PPP2R2B: variants seen among roughly 807,000 people sequenced by gnomAD.
PPP2R2B encodes the protein protein phosphatase 2 regulatory subunit Bbeta.
PPP2R2B carries 5 observed loss-of-function variants against 46.0 expected under a neutral mutation model. The observed-to-expected ratio is 0.11, with a 90% CI of 0.06 to 0.23. PPP2R2B has a LOEUF of 0.23. Among genes scored for constraint, PPP2R2B ranks in the 10% least tolerant of loss-of-function variants. The probability of loss-of-function intolerance (pLI) is 1.00; values close to 1 mark genes in which losing one functional copy is unlikely to be tolerated. For missense variants in PPP2R2B, 367 were observed against 575.0 expected, an observed-to-expected ratio of 0.64 and a Z score of 3.70; for synonymous variants, 215 against 206.7, an observed-to-expected ratio of 1.04 and a Z score of -0.34.
chr5:146,964,300 G>A (rs1367492922), intron 1 of PPP2R2B, among the ~76,000 whole-genome samples: 3 of 152,156 alleles, frequency 2.0e-5, no homozygotes, highest in Admixed American at 6.5e-5. Flanking sequence ...AAAACAGTTT[G>A]AGGTTAAACA....
chr5:146,884,196 G>T (rs960149794), intron 1 of PPP2R2B, among the ~76,000 whole-genome samples: 11 of 146,380 alleles, frequency 7.5e-5, no homozygotes, highest in Admixed American at 3.5e-4. Context: ...CTCTGTTATC[G>T]GTGCAAAGTC....
At chr5:147,011,772 G>T (rs1412824548) in intron 1 of PPP2R2B, among the ~76,000 whole-genome samples, 3 of 147,314 alleles carry the variant, frequency 2.0e-5, no homozygotes, top group Non-Finnish European at 3.0e-5. Context: ...AATTTATTGA[G>T]AGTTTTTAGC....
At chr5:146,754,136 T>C (rs1753711944) in intron 2 of PPP2R2B, among the ~76,000 whole-genome samples, 1 of 152,122 alleles carries the variant, frequency 6.6e-6, no homozygotes, top group Non-Finnish European at 1.5e-5. Flanking sequence ...AGATGAAGGA[T>C]GATTGGAAAT....
chr5:146,750,882 C>T (rs1244917600), intron 2 of PPP2R2B, among the ~76,000 whole-genome samples: 1 of 152,100 alleles, frequency 6.6e-6, no homozygotes, highest in Non-Finnish European at 1.5e-5. Flanking sequence ...TCTGTGGTCT[C>T]AGAATTAGAG....
At chr5:146,909,342 T>C (rs780287823) in intron 1 of PPP2R2B, among the ~76,000 whole-genome samples, 3 of 152,198 alleles carry the variant, frequency 2.0e-5, no homozygotes, top group Non-Finnish European at 4.4e-5. Context: ...CTTGGATTTT[T>C]ATTCCAACCC....
At chr5:146,959,819 A>G (rs1230959977) in intron 1 of PPP2R2B, among the ~76,000 whole-genome samples, 1 of 152,134 alleles carries the variant, frequency 6.6e-6, no homozygotes, top group Non-Finnish European at 1.5e-5. Context: ...CTGGGGGAAC[A>G]TACAGAAAGG....
chr5:147,060,239 T>C (rs1757216126), upstream of PPP2R2B, among the ~76,000 whole-genome samples: 1 of 152,146 alleles, frequency 6.6e-6, no homozygotes, highest in South Asian at 2.1e-4. Context: ...TCTTTTAAAA[T>C]ACTCGTTCAT....
intron 1 of PPP2R2B, among the ~76,000 whole-genome samples, chr5:146,886,717 A>C (rs1224923142): frequency 6.6e-6 from 1 of 152,136 alleles, no homozygotes; most frequent in East Asian, 1.9e-4. Flanking sequence ...ATATATCAAA[A>C]TATTAGCAAT....
intron 2 of PPP2R2B, among the ~76,000 whole-genome samples, chr5:146,871,514 A>G (rs1319061493): frequency 1.3e-5 from 2 of 152,224 alleles, no homozygotes; most frequent in African/African-American, 4.8e-5. Context: ...TTCTTATTAT[A>G]TAACAGAAGA....
intron 2 of PPP2R2B, among the ~76,000 whole-genome samples, chr5:146,791,953 C>T (rs1756228552): frequency 6.6e-6 from 1 of 152,122 alleles, no homozygotes; most frequent in South Asian, 2.1e-4. Flanking sequence ...TTCCATCTTA[C>T]TGAATATAGG....
chr5:146,775,820 T>C (rs1013110506), intron 2 of PPP2R2B, among the ~76,000 whole-genome samples: 5 of 152,168 alleles, frequency 3.3e-5, no homozygotes, highest in Non-Finnish European at 5.9e-5. Flanking sequence ...AGAAGTTGTA[T>C]TTTTATGAAC....
intron 7 of PPP2R2B, among the ~76,000 whole-genome samples, chr5:146,636,274 G>A (rs187609955): frequency 4.4e-4 from 67 of 152,092 alleles, no homozygotes; most frequent in African/African-American, 1.6e-3. Flanking sequence ...AGGATATGGG[G>A]GTATACTAAA....
chr5:146,696,411 C>T (rs1419458362), intron 4 of PPP2R2B, among the ~76,000 whole-genome samples: 7 of 152,108 alleles, frequency 4.6e-5, no homozygotes, highest in African/African-American at 7.2e-5. Flanking sequence ...GCCAAGTCTT[C>T]GAGTTTTAAA....
intron 8 of PPP2R2B, among the ~76,000 whole-genome samples, chr5:146,598,520 T>TTG (rs1771444514): frequency 6.6e-6 from 1 of 152,218 alleles, no homozygotes; most frequent in Non-Finnish European, 1.5e-5. Context: ...AGACTCACAT[T>TTG]GAAGTGTCTA....
intron 1 of PPP2R2B, among the ~76,000 whole-genome samples, chr5:147,035,810 A>G (rs1340556759): frequency 2.0e-5 from 3 of 151,666 alleles, no homozygotes; most frequent in African/African-American, 7.2e-5. Context: ...AAAAAAAAAC[A>G]GTTTGGATGT....
chr5:146,743,273 T>C (rs1306940411), intron 2 of PPP2R2B, among the ~76,000 whole-genome samples: 1 of 152,114 alleles, frequency 6.6e-6, no homozygotes, highest in Non-Finnish European at 1.5e-5. Flanking sequence ...TTTTCACCAT[T>C]CAAATAGGAT....
At chr5:146,594,827 T>C (rs1481564486) in intron 8 of PPP2R2B, among the ~76,000 whole-genome samples, 3 of 152,088 alleles carry the variant, frequency 2.0e-5, no homozygotes, top group Non-Finnish European at 4.4e-5. Context: ...GAGAAGGAGA[T>C]AGAACTGTGT....
At chr5:146,822,592 T>A (rs1758335510) in intron 2 of PPP2R2B, among the ~76,000 whole-genome samples, 1 of 150,596 alleles carries the variant, frequency 6.6e-6, no homozygotes, top group Non-Finnish European at 1.5e-5. Flanking sequence ...CTCCATCTAA[T>A]ATATTTGTTT....
rs149603875 is a variant in PPP2R2B at position 146,731,578 on chromosome 5, T to A, written c.71-30436A>T. 4.6e-3 allele frequency among the ~76,000 whole-genome samples: 700 copies of A among 152,274 alleles called. 5 individuals carry two copies. Among genetic ancestry groups the A allele is most frequent in the African/African-American group, 0.016 (668 of 41,544 alleles). ...AGCTTGGGCTTTGAAGTCAGATGGA[T>A]CTGAGGGTCAAAGCACATTTCTGCC... On this transcript the variant is annotated intron_variant, in intron 2 of 9. Coordinates refer to ENST00000394411, the MANE Select transcript of PPP2R2B (RefSeq NM_181675.4).
Sources: allele counts gnomAD v4.1 joint callset (sites outside exome capture counted in the v4.1 genomes callset), GRCh38; gene constraint gnomAD v4.1.1; transcripts MANE v1.5; gene names NCBI Gene and HGNC (gene_info 2026-07-23, HGNC 2026-07-21).